The following ZNF442 variants were observed in gnomAD, a reference collection of about 807,000 sequenced individuals.
ZNF442 encodes the protein zinc finger protein 442.
ZNF442 carries 45 observed loss-of-function variants against 57.0 expected under a neutral mutation model. The ratio of observed to expected loss-of-function variants is 0.79; its 90% CI spans 0.62 to 1.01. The LOEUF (loss-of-function observed/expected upper bound fraction) is 1.01, where lower values mean the gene tolerates loss of function less well. Among genes scored for constraint, ZNF442 ranks in the 50% least tolerant of loss-of-function variants. The pLI is 0.00. For synonymous variants in ZNF442, 213 were observed against 241.8 expected, an observed-to-expected ratio of 0.88 and a Z score of 1.10; for missense variants, 690 against 756.5, an observed-to-expected ratio of 0.91 and a Z score of 1.03.
Position 12,365,567 on chromosome 19 carries a change from C to G in ZNF442, c.-517G>C. 2.3e-6 allele frequency: 1 copy of G among 439,182 alleles called. No homozygotes were observed. Among genetic ancestry groups the G allele is most frequent in the Non-Finnish European group, 4.2e-6 (1 of 238,388 alleles). The allele number at this position is 439,182 out of a possible 1,614,324, so 27.2% of individuals were successfully genotyped here. A position where few individuals can be genotyped will look rare whatever the true frequency, so the allele number is the denominator to read the frequency against. On this transcript the variant is annotated 5_prime_UTR_variant, in exon 1 of 6. Transcript: ENST00000242804. ...GCTTCCGCGGTGTCCCGTGTTCTCC[C>G]CAAGGTTCCCCGCTGCCAGCATAGG... is the stretch of plus-strand genomic sequence containing the variant.
chr19:12,366,733 C>T (rs1265177737), upstream of ZNF442, among the ~76,000 whole-genome samples: 1 of 152,130 alleles, frequency 6.6e-6, no homozygotes, highest in Non-Finnish European at 1.5e-5. Flanking sequence ...CAAGTTGAAG[C>T]AATTCTCCTG....
chr19:12,369,631 C>G (rs979642219), upstream of ZNF442, among the ~76,000 whole-genome samples: 2 of 151,904 alleles, frequency 1.3e-5, no homozygotes, highest in Non-Finnish European at 2.9e-5. Flanking sequence ...GGCGCAGTGG[C>G]TTACACCTGT....
At chr19:12,358,002 G>C (rs1241278769) in intron 3 of ZNF442, among the ~76,000 whole-genome samples, 4 of 145,280 alleles carry the variant, frequency 2.8e-5, no homozygotes. Flanking sequence ...TCGCTCTGTC[G>C]CCCAGGCTGG....
Position 12,352,897 on chromosome 19 carries a change from C to G in ZNF442, c.205+91G>C, listed in dbSNP as rs552245141. The G allele has an allele frequency of 7.3e-4, 1,074 of 1,479,412 alleles. 15 individuals are homozygous for G. The highest frequency in any genetic ancestry group is 4.1e-3 in the Middle Eastern group (20 of 4,874). 91.6% of individuals were successfully genotyped at this position (1,479,412 alleles called of 1,614,324 possible). On this transcript the variant is annotated intron_variant, in intron 4 of 5. Transcript: ENST00000242804. Reference sequence around the variant, plus strand: ...GTGTTGTTGAAGGGTCAACTATATCCCCTTTCGGTATTTCAAATCATTCAA... The same window carrying G: ...GTGTTGTTGAAGGGTCAACTATATCGCCTTTCGGTATTTCAAATCATTCAA...
At chr19:12,372,328 G>A in the ZNF442 span, among the ~76,000 whole-genome samples, 2 of 151,898 alleles carry the variant, frequency 1.3e-5, no homozygotes, top group South Asian at 2.1e-4. Flanking sequence ...ACATGGTGGC[G>A]GGCGCCTGTA....
upstream of ZNF442, among the ~76,000 whole-genome samples, chr19:12,368,702 T>C (rs975290863): frequency 6.6e-6 from 1 of 152,208 alleles, no homozygotes; most frequent in Admixed American, 6.5e-5. Context: ...TCTCCACAAA[T>C]TGAACAGTGG....
chr19:12,365,736 A>C, upstream of ZNF442: 2 of 189,574 alleles, frequency 1.1e-5, no homozygotes, highest in Non-Finnish European at 1.1e-5. Context: ...CTCGCCCCCA[A>C]CACTGATTGG....
At chr19:12,369,263 T>C (rs1419709581), upstream of ZNF442, among the ~76,000 whole-genome samples, 1 of 152,158 alleles carries the variant, frequency 6.6e-6, no homozygotes, top group Non-Finnish European at 1.5e-5. Flanking sequence ...AAGTTTGTAA[T>C]ATGGGTAGAA....
chr19:12,358,941 T>C (rs547315907), intron 3 of ZNF442, among the ~76,000 whole-genome samples: 1 of 152,262 alleles, frequency 6.6e-6, no homozygotes, highest in Admixed American at 6.6e-5. Flanking sequence ...GGGTCAATAA[T>C]GTGCCAAGCC....
chr19:12,353,567 G>A lies in ZNF442; in HGVS notation c.79-453C>T, dbSNP rs1969279085. Among the ~76,000 whole-genome samples, 4 of 152,316 alleles carry A rather than the reference G, an allele frequency of 2.6e-5. No homozygotes were observed. The South Asian group carries it at 6.2e-4, about 24-fold the overall frequency. On this transcript the variant is annotated intron_variant, in intron 3 of 5. Coordinates refer to ENST00000242804, the MANE Select transcript of ZNF442 (RefSeq NM_030824.3). ...ACCAACATAACTAATAACAGGTGCT[G>A]AGTGTGCATAAACTGTTTATGGAGA...
chr19:12,354,634 G>A (rs538901250), intron 3 of ZNF442, among the ~76,000 whole-genome samples: 9 of 151,884 alleles, frequency 5.9e-5, no homozygotes, highest in African/African-American at 1.4e-4. Flanking sequence ...GCCCTGGCAC[G>A]ATCTTGGCTC....
At chr19:12,359,873 G>A (rs1969394223) in intron 3 of ZNF442, among the ~76,000 whole-genome samples, 1 of 152,088 alleles carries the variant, frequency 6.6e-6, no homozygotes, top group Admixed American at 6.6e-5. Context: ...AGCTACTCGG[G>A]AGGCTGAGGC....
upstream of ZNF442, among the ~76,000 whole-genome samples, chr19:12,367,070 G>T (rs1969540697): frequency 6.6e-6 from 1 of 152,194 alleles, no homozygotes; most frequent in Non-Finnish European, 1.5e-5. Flanking sequence ...TCCAACAAAA[G>T]ATTACTTCAA....
intron 3 of ZNF442, among the ~76,000 whole-genome samples, chr19:12,359,313 T>C (rs1225109020): frequency 6.6e-6 from 1 of 152,156 alleles, no homozygotes; most frequent in Admixed American, 6.5e-5. Context: ...AGTAAATAAG[T>C]AAGATGACAG....
At position 12,363,676 on chromosome 19, in the gene ZNF442, G is replaced by C; in HGVS notation, c.-40-5C>G. 1 of 1,562,326 alleles carries C rather than the reference G, an allele frequency of 6.4e-7. No homozygotes were observed. Among genetic ancestry groups the C allele is most frequent in the Non-Finnish European group, 8.8e-7 (1 of 1,133,022 alleles). On this transcript the variant is annotated splice_polypyrimidine_tract_variant and splice_region_variant and intron_variant, in intron 2 of 5. Coordinates refer to ENST00000242804, the MANE Select transcript of ZNF442 (RefSeq NM_030824.3). Reference sequence around the variant, plus strand: ...TGTGTCCCCAAGGAATGGAAACTGGGGTTGGGGAAGAACAAGGTGATTGTC... The same window carrying C: ...TGTGTCCCCAAGGAATGGAAACTGGCGTTGGGGAAGAACAAGGTGATTGTC...
rs1306896268 is a variant in ZNF442 at position 12,347,355 on chromosome 19, T to G, written c.*2346A>C. On this transcript the variant is annotated 3_prime_UTR_variant, in exon 6 of 6. Coordinates refer to ENST00000242804, the MANE Select transcript of ZNF442 (RefSeq NM_030824.3). ...CCAGGAGAAGAAACCCATGTTTTCC[T>G]CCTACTACTTCATTGGGTGTTGGAA... is the stretch of plus-strand genomic sequence containing the variant. The G allele has an allele frequency of 6.6e-6, 1 of 152,226 alleles. No individual in the cohort carries two copies. Among genetic ancestry groups the G allele is most frequent in the Admixed American group, 6.5e-5 (1 of 15,274 alleles). 9.4% of individuals were successfully genotyped at this position (152,226 alleles called of 1,614,324 possible).
intron 3 of ZNF442, among the ~76,000 whole-genome samples, chr19:12,356,025 A>G (rs1969322456): frequency 1.3e-5 from 2 of 151,780 alleles, no homozygotes; most frequent in African/African-American, 4.8e-5. Flanking sequence ...AAACAAAGAA[A>G]AGAAAGTAGA....
rs763607814 is a variant in ZNF442 at position 12,350,448 on chromosome 19, G to C, written c.1137C>G (p.Cys379Trp). 4.3e-6 allele frequency: 7 copies of C among 1,610,428 alleles called. No homozygotes were observed. Among genetic ancestry groups the C allele is most frequent in the Non-Finnish European group, 5.9e-6 (7 of 1,178,854 alleles). ...RTHTGEKPYECKQCGKALSHH... is the reference protein window; with the variant it reads ...RTHTGEKPYEWKQCGKALSHH... ...GAGATAACGCTTTCCCACACTGCTTGCATTCATAGGGTTTCTCTCCAGTGT... is the reference window on the plus strand; with the variant it reads ...GAGATAACGCTTTCCCACACTGCTTCCATTCATAGGGTTTCTCTCCAGTGT... The change falls in exon 6 of 6, where the codon TGC becomes TGG. Residue 379 changes from cysteine (C) to tryptophan (W), a missense_variant. By Grantham distance (215) the Cys-to-Trp change is radical. Transcript: ENST00000242804.
intron 3 of ZNF442, among the ~76,000 whole-genome samples, chr19:12,354,550 C>A (rs988571124): frequency 2.0e-5 from 3 of 151,888 alleles, no homozygotes; most frequent in African/African-American, 7.3e-5. Context: ...TACGGCTTTA[C>A]AAGAACAGAT....
Sources: allele counts gnomAD v4.1 joint callset (sites outside exome capture counted in the v4.1 genomes callset), GRCh38; gene constraint gnomAD v4.1.1; transcripts MANE v1.5; gene names NCBI Gene and HGNC (gene_info 2026-07-23, HGNC 2026-07-21).